Variants in NR3C2 observed in about 807,000 individuals in gnomAD.
NR3C2 encodes mineralocorticoid receptor.
NR3C2 carries 15 observed loss-of-function variants against 86.4 expected under a neutral mutation model. That is an observed-to-expected ratio of 0.17 (90% CI 0.12 to 0.27). NR3C2 has a LOEUF of 0.27. Among genes scored for constraint, NR3C2 ranks in the 10% least tolerant of loss-of-function variants. The pLI, the probability that NR3C2 is intolerant of heterozygous loss-of-function variation, is 1.00. For missense variants in NR3C2, 960 were observed against 1,195.6 expected (o/e 0.80, Z 2.91); for synonymous variants, 458 against 450.5 (o/e 1.02, Z -0.21).
At chr4:148,273,423 G>A (rs1364896830) in intron 2 of NR3C2, among the ~76,000 whole-genome samples, 4 of 151,986 alleles carry the variant, frequency 2.6e-5, no homozygotes, top group South Asian at 2.1e-4. Context: ...ATACACACAT[G>A]TATATACCTA....
intron 2 of NR3C2, among the ~76,000 whole-genome samples, chr4:148,303,622 T>A (rs1277329184): frequency 6.6e-6 from 1 of 152,008 alleles, no homozygotes; most frequent in African/African-American, 2.4e-5. Context: ...CCGAGATGCA[T>A]TTTTGGTCCC....
intron 2 of NR3C2, among the ~76,000 whole-genome samples, chr4:148,428,365 T>C (rs1749649216): frequency 6.6e-6 from 1 of 152,168 alleles, no homozygotes; most frequent in Non-Finnish European, 1.5e-5. Flanking sequence ...ACCAAATAAC[T>C]GCCCTTTAAT....
chr4:148,395,802 A>T (rs1376712912), intron 2 of NR3C2, among the ~76,000 whole-genome samples: 1 of 152,214 alleles, frequency 6.6e-6, no homozygotes, highest in Non-Finnish European at 1.5e-5. Flanking sequence ...AAGAACACTA[A>T]ATATATCAGC....
At chr4:148,439,651 A>C (rs1010484348) in intron 1 of NR3C2, among the ~76,000 whole-genome samples, 1 of 152,154 alleles carries the variant, frequency 6.6e-6, no homozygotes, top group African/African-American at 2.4e-5. Context: ...GCTTTTTTGA[A>C]ATTTCCCTAT....
intron 2 of NR3C2, among the ~76,000 whole-genome samples, chr4:148,370,189 C>T (rs896939481): frequency 2.6e-5 from 4 of 152,240 alleles, no homozygotes; most frequent in Admixed American, 6.5e-5. Context: ...CTGCTTCCTA[C>T]GAAAGGAAAC....
At chr4:148,163,108 G>T (rs1050260993) in intron 4 of NR3C2, among the ~76,000 whole-genome samples, 5 of 152,202 alleles carry the variant, frequency 3.3e-5, no homozygotes, top group African/African-American at 1.2e-4. Context: ...TTAAAGGGCA[G>T]AAGAAGGGAT....
chr4:148,149,879 G>A (rs951784206), intron 6 of NR3C2, among the ~76,000 whole-genome samples: 4 of 152,118 alleles, frequency 2.6e-5, no homozygotes, highest in East Asian at 1.9e-4. Flanking sequence ...CTACTGGGAT[G>A]GCTAGTTAAT....
chr4:148,193,542 C>T (rs1008459665), intron 4 of NR3C2, among the ~76,000 whole-genome samples: 1 of 152,196 alleles, frequency 6.6e-6, no homozygotes, highest in Non-Finnish European at 1.5e-5. Flanking sequence ...GCACAACCTC[C>T]TGTATGTGTT....
rs149448849 is a variant in NR3C2 at position 148,105,492 on chromosome 4, T to C, written c.2799+8612A>G. ...TTCCTTCTGAAACTATTTCAAACAA[T>C]AGAAAAAGAGGGAATCCTCTGTAAC... On this transcript the variant is annotated intron_variant, in intron 8 of 8. Transcript: ENST00000358102. 7.5e-3 allele frequency among the ~76,000 whole-genome samples: 1,148 copies of C among 152,086 alleles called. 9 individuals are homozygous for C. The highest frequency in any genetic ancestry group is 0.011 in the Non-Finnish European group (716 of 67,980).
chr4:148,196,948 G>A (rs1006327189), intron 3 of NR3C2, among the ~76,000 whole-genome samples: 6 of 152,136 alleles, frequency 3.9e-5, no homozygotes, highest in African/African-American at 1.4e-4. Context: ...AAATTTTAAT[G>A]CCACATTAGA....
chr4:148,405,140 C>G (rs936033188), intron 2 of NR3C2, among the ~76,000 whole-genome samples: 3 of 152,014 alleles, frequency 2.0e-5, no homozygotes, highest in Non-Finnish European at 4.4e-5. Flanking sequence ...AAAGAAGAGC[C>G]AATCGATGGA....
At chr4:148,247,753 G>A (rs762486549) in intron 3 of NR3C2, among the ~76,000 whole-genome samples, 8 of 151,860 alleles carry the variant, frequency 5.3e-5, no homozygotes, top group Non-Finnish European at 1.0e-4. Context: ...GACTTGAAGT[G>A]TTGCCCTTTC....
At chr4:148,322,829 C>A (rs1743692990) in intron 2 of NR3C2, among the ~76,000 whole-genome samples, 1 of 93,508 alleles carries the variant, frequency 1.1e-5, no homozygotes, top group Non-Finnish European at 2.1e-5. Flanking sequence ...TTTGAATGTC[C>A]TCCCGTAGCT....
At position 148,418,037 on chromosome 4, in the gene NR3C2, G is replaced by A. The variant is rs373340933; in HGVS notation, c.1757+17067C>T. 2.6e-5 allele frequency among the ~76,000 whole-genome samples: 4 copies of A among 152,098 alleles called. No individual in the cohort carries two copies. In the East Asian group the frequency reaches 7.7e-4, roughly 29 times the overall value. ...TTTTGAGTTGTATGCCAAGTAATTT[G>A]TTAATAATATTGATGTTTGTGAATG... On this transcript the variant is annotated intron_variant, in intron 2 of 8. Coordinates refer to ENST00000358102, the MANE Select transcript of NR3C2 (RefSeq NM_000901.5).
intron 5 of NR3C2, among the ~76,000 whole-genome samples, chr4:148,153,957 A>G (rs6818829): frequency 0.027 from 4,163 of 152,118 alleles, 197 homozygotes; most frequent in African/African-American, 0.095. Context: ...TTTTTGGATG[A>G]AATTTTCCAT....
chr4:148,433,464 A>G (rs1275208745), intron 2 of NR3C2, among the ~76,000 whole-genome samples: 2 of 152,202 alleles, frequency 1.3e-5, no homozygotes, highest in African/African-American at 4.8e-5. Flanking sequence ...TACAATGAAG[A>G]AAAAGAAAAC....
At chr4:148,349,187 A>T (rs988590617) in intron 2 of NR3C2, among the ~76,000 whole-genome samples, 3 of 152,182 alleles carry the variant, frequency 2.0e-5, no homozygotes, top group African/African-American at 7.2e-5. Flanking sequence ...TGACACAGAT[A>T]AAACAATGGT....
rs766025289 is a variant in NR3C2 at position 148,435,240 on chromosome 4, C to G, written c.1621G>C (p.Asp541His). ...GAACTCAGGTGTTGGAAAGATTGGT[C>G]TCTAGCCGATCGTGATAAAGATATT... ...GTISLSRSAR[D>H]QSFQHLSSFP... The change falls in exon 2 of 9, where the codon GAC becomes CAC. Residue 541 changes from aspartate to histidine, a missense_variant. Coordinates refer to ENST00000358102, the MANE Select transcript of NR3C2 (RefSeq NM_000901.5). The G allele has an allele frequency of 3.7e-6, 6 of 1,614,196 alleles. No individual in the cohort carries two copies. The highest frequency in any genetic ancestry group is 5.1e-6 in the Non-Finnish European group (6 of 1,180,040).
chr4:148,352,536 T>C (rs1444688710), intron 2 of NR3C2, among the ~76,000 whole-genome samples: 4 of 152,040 alleles, frequency 2.6e-5, no homozygotes, highest in Non-Finnish European at 4.4e-5. Flanking sequence ...AAAGACCCCA[T>C]CTCAATGTGA....
Sources: allele counts gnomAD v4.1 joint callset (sites outside exome capture counted in the v4.1 genomes callset), GRCh38; gene constraint gnomAD v4.1.1; transcripts MANE v1.5; gene names NCBI Gene and HGNC (gene_info 2026-07-23, HGNC 2026-07-21).